Variants in CUX1 observed in about 807,000 individuals in gnomAD.
The protein encoded by CUX1 is protein CASP.
A neutral mutation model predicts 158.8 loss-of-function variants in CUX1; 31 were observed. The observed-to-expected ratio is 0.20, with a 90% CI of 0.15 to 0.26. The LOEUF (loss-of-function observed/expected upper bound fraction) is 0.26. Ranked by LOEUF, CUX1 falls within the 10% of genes least tolerant of loss-of-function variation. The pLI is 1.00. For missense variants in CUX1, 1,589 were observed against 2,014.6 expected, an observed-to-expected ratio of 0.79 and a Z score of 4.04; for synonymous variants, 879 against 862.1, an observed-to-expected ratio of 1.02 and a Z score of -0.34.
chr7:102,086,388 G>A (rs1554480514), intron 4 of CUX1, among the ~76,000 whole-genome samples: 2 of 151,776 alleles, frequency 1.3e-5, no homozygotes, highest in Non-Finnish European at 2.9e-5. Context: ...CAGAGTACAT[G>A]TTTGTATGAT....
At chr7:102,221,614 A>C (rs1797806387) in intron 20 of CUX1, among the ~76,000 whole-genome samples, 1 of 151,938 alleles carries the variant, frequency 6.6e-6, no homozygotes, top group Non-Finnish European at 1.5e-5. Flanking sequence ...TTGGAATATA[A>C]TATTTTTCAT....
intron 4 of CUX1, among the ~76,000 whole-genome samples, chr7:102,090,388 T>G (rs1292664366): frequency 3.3e-5 from 5 of 151,580 alleles, no homozygotes; most frequent in African/African-American, 1.2e-4. Context: ...TGTTTTTTTG[T>G]TTTGTTTTGT....
At chr7:101,871,943 C>T (rs966824082) in intron 1 of CUX1, among the ~76,000 whole-genome samples, 8 of 150,874 alleles carry the variant, frequency 5.3e-5, no homozygotes, top group African/African-American at 9.7e-5. Context: ...GCTTGAACCC[C>T]GGAAGTGGAG....
In CUX1 at chr7:102,178,574, A is replaced by G; in HGVS notation, c.934A>G (p.Ser312Gly). 6.2e-7 allele frequency: 1 copy of G among 1,612,754 alleles called. No individual in the cohort carries two copies. Among genetic ancestry groups the G allele is most frequent in the Non-Finnish European group, 8.5e-7 (1 of 1,179,404 alleles). Reference protein sequence around the residue: ...LVEDVQRLQASLTKLRENSAS... With the variant: ...LVEDVQRLQAGLTKLRENSAS... Reference sequence around the variant, plus strand: ...GGAGGACGTGCAGAGACTCCAGGCCAGCCTCACCAAGCTGCGGGAGAATTC... The same window carrying G: ...GGAGGACGTGCAGAGACTCCAGGCCGGCCTCACCAAGCTGCGGGAGAATTC... The change falls in exon 11 of 24, where the codon AGC becomes GGC. Residue 312 changes from serine to glycine, a missense_variant. Ser to Gly is a moderately conservative substitution (Grantham distance 56). Transcript: ENST00000292535.
At chr7:102,280,653 G>A (rs1297607464) in intron 19 of CUX1, 3 of 673,582 alleles carry the variant, frequency 4.5e-6, no homozygotes, top group Non-Finnish European at 7.7e-6. Flanking sequence ...GTGCACCCAG[G>A]GAAGCCCCTG....
At chr7:102,056,089 G>A (rs1379910902) in intron 3 of CUX1, among the ~76,000 whole-genome samples, 1 of 152,180 alleles carries the variant, frequency 6.6e-6, no homozygotes, top group Non-Finnish European at 1.5e-5. Context: ...ATAAAAGTTG[G>A]AAGCTAGCGG....
chr7:102,123,480 G>A (rs1832280291), intron 8 of CUX1, among the ~76,000 whole-genome samples: 1 of 150,256 alleles, frequency 6.7e-6, no homozygotes, highest in South Asian at 2.1e-4. Flanking sequence ...GTGGTGGCGG[G>A]TGCCTATAGT....
intron 3 of CUX1, 24 bp from the exon 4 acceptor site, chr7:102,070,315 T>C: frequency 6.3e-7 from 1 of 1,596,192 alleles, no homozygotes; most frequent in Non-Finnish European, 8.5e-7. Context: ...TTGTTTTTCT[T>C]TTCTTTCTTT....
chr7:102,280,806 G>T (rs782615603), exon 20 of CUX1: 5 of 1,613,038 alleles, frequency 3.1e-6, no homozygotes, highest in Admixed American at 1.7e-5. Flanking sequence ...CTGTGCAGGA[G>T]CGGCAGAGGA....
chr7:102,006,902 G>A (rs758234424), intron 2 of CUX1, among the ~76,000 whole-genome samples: 3 of 152,244 alleles, frequency 2.0e-5, no homozygotes, highest in Non-Finnish European at 4.4e-5. Context: ...GGTGCAGGCC[G>A]GGATGCAGCG....
At chr7:102,219,552 A>G (rs1586288880) in intron 20 of CUX1, among the ~76,000 whole-genome samples, 1 of 152,146 alleles carries the variant, frequency 6.6e-6, no homozygotes, top group African/African-American at 2.4e-5. Context: ...CGGGAATTGG[A>G]CCTTCGCGTC....
At chr7:102,133,905 C>A (rs1833614946) in intron 8 of CUX1, among the ~76,000 whole-genome samples, 1 of 152,218 alleles carries the variant, frequency 6.6e-6, no homozygotes, top group Admixed American at 6.5e-5. Context: ...CAGAGGCTTT[C>A]ACATCTCATT....
intron 11 of CUX1, among the ~76,000 whole-genome samples, chr7:102,181,560 G>T (rs1467488674): frequency 6.6e-6 from 1 of 152,118 alleles, no homozygotes; most frequent in South Asian, 2.1e-4. Context: ...ATTAATGTTC[G>T]TTATCCGTAT....
At chr7:101,977,685 C>T (rs963161231) in intron 2 of CUX1, among the ~76,000 whole-genome samples, 7 of 152,030 alleles carry the variant, frequency 4.6e-5, no homozygotes, top group South Asian at 2.1e-4. Context: ...TTGAGAGAAT[C>T]GCTTGAACCC....
chr7:101,977,975 TC>T (rs1299179020), intron 2 of CUX1, among the ~76,000 whole-genome samples: 1 of 151,838 alleles, frequency 6.6e-6, no homozygotes, highest in African/African-American at 2.4e-5. Flanking sequence ...GTTTTTTTTT[TC>T]CCTGACCCCT....
chr7:102,182,667 AAAG>A (rs1793221984), intron 11 of CUX1, among the ~76,000 whole-genome samples: 1 of 152,240 alleles, frequency 6.6e-6, no homozygotes, highest in South Asian at 2.1e-4. Context: ...TGCCACTTGT[AAAG>A]AAGAACTGTT....
intron 1 of CUX1, among the ~76,000 whole-genome samples, chr7:101,844,117 C>G (rs977370714): frequency 6.6e-6 from 1 of 152,238 alleles, no homozygotes; most frequent in East Asian, 1.9e-4. Context: ...TTGAATCATT[C>G]ATAAAGAAAT....
At position 101,819,939 on chromosome 7, in the gene CUX1, C is replaced by A. The variant is rs751145193; in HGVS notation, c.30+2270C>A. Among the ~76,000 whole-genome samples, 47 of 152,184 alleles carry A rather than the reference C, an allele frequency of 3.1e-4. 1 individual carries two copies. Among genetic ancestry groups the A allele is most frequent in the Admixed American group, 2.5e-3 (38 of 15,272 alleles). On this transcript the variant is annotated intron_variant, in intron 1 of 23. Coordinates refer to ENST00000292535, the MANE Select transcript of CUX1 (RefSeq NM_181552.4). ...CCAATACCTTCAGGAATGATTCTCT[C>A]CTAAATCCACTGAGCTAACCTTAAA...
At chr7:102,245,600 T>G (rs1227751987) in intron 23 of CUX1, among the ~76,000 whole-genome samples, 3 of 152,178 alleles carry the variant, frequency 2.0e-5, no homozygotes, top group Non-Finnish European at 4.4e-5. Context: ...CATCATACAT[T>G]TAATACCTTA....
Sources: allele counts gnomAD v4.1 joint callset (sites outside exome capture counted in the v4.1 genomes callset), GRCh38; gene constraint gnomAD v4.1.1; transcripts MANE v1.5; gene names NCBI Gene and HGNC (gene_info 2026-07-23, HGNC 2026-07-21).